CACNA1C: variants seen among roughly 807,000 people sequenced by gnomAD.
CACNA1C encodes calcium voltage-gated channel subunit alpha1 C, also known as voltage-dependent L-type calcium channel subunit alpha-1C.
In CACNA1C, 30 loss-of-function variants were observed where a neutral mutation model predicts 229.0. The observed-to-expected ratio is 0.13, with a 90% CI of 0.10 to 0.18. The LOEUF (loss-of-function observed/expected upper bound fraction) is 0.18. Ranked by LOEUF, CACNA1C falls within the 10% of genes least tolerant of loss-of-function variation. The pLI, the probability that CACNA1C is intolerant of heterozygous loss-of-function variation, is 1.00. For missense variants in CACNA1C, 1,658 were observed against 2,845.0 expected (o/e 0.58, Z 9.49); for synonymous variants, 1,114 against 1,132.5 (o/e 0.98, Z 0.33).
chr12:2,626,983 C>T (rs1055093151), intron 29 of CACNA1C, among the ~76,000 whole-genome samples: 1 of 152,172 alleles, frequency 6.6e-6, no homozygotes, highest in Non-Finnish European at 1.5e-5. Context: ...AAAATGGGAG[C>T]AGAAAGTGTC....
At chr12:2,206,828 T>TCC (rs1344328031) in intron 3 of CACNA1C, among the ~76,000 whole-genome samples, 1 of 152,202 alleles carries the variant, frequency 6.6e-6, no homozygotes, top group Non-Finnish European at 1.5e-5. Context: ...GCAGACCATC[T>TCC]CCCACATGAA....
chr12:2,452,308 G>C (rs777552559), intron 4 of CACNA1C, among the ~76,000 whole-genome samples: 1 of 152,112 alleles, frequency 6.6e-6, no homozygotes, highest in Non-Finnish European at 1.5e-5. Context: ...CAGAGGGACT[G>C]TGGCGGCCTC....
At chr12:2,648,588 AG>A in intron 31 of CACNA1C, 81 bp downstream of exon 31, 1 of 1,258,484 alleles carries the variant, frequency 7.9e-7, no homozygotes, top group Non-Finnish European at 1.2e-6. Context: ...CGAACTCCAG[AG>A]TCCCTGGGAG....
At chr12:2,290,316 G>T (rs552682274) in intron 3 of CACNA1C, among the ~76,000 whole-genome samples, 12 of 152,174 alleles carry the variant, frequency 7.9e-5, no homozygotes, top group Admixed American at 5.9e-4. Flanking sequence ...GGCAGTGCTG[G>T]GGCACTGTCC....
intron 5 of CACNA1C, among the ~76,000 whole-genome samples, chr12:2,465,866 C>T (rs1467030669): frequency 6.6e-6 from 1 of 152,146 alleles, no homozygotes; most frequent in Non-Finnish European, 1.5e-5. Flanking sequence ...ACCTCCATCC[C>T]AGAGGCCAGG....
At chr12:2,130,095 A>G (rs768580039) in intron 3 of CACNA1C, among the ~76,000 whole-genome samples, 7 of 151,904 alleles carry the variant, frequency 4.6e-5, no homozygotes, top group South Asian at 2.1e-4. Flanking sequence ...CTAACTAATA[A>G]TAATAGCAGC....
intron 39 of CACNA1C, among the ~76,000 whole-genome samples, chr12:2,675,328 A>C (rs1035874741): frequency 3.9e-5 from 6 of 152,244 alleles, no homozygotes; most frequent in Non-Finnish European, 8.8e-5. Flanking sequence ...AGATCTTCTC[A>C]TGCACCCACT....
At chr12:2,509,247 A>G (rs1331996894) in intron 8 of CACNA1C, among the ~76,000 whole-genome samples, 1 of 152,246 alleles carries the variant, frequency 6.6e-6, no homozygotes, top group Non-Finnish European at 1.5e-5. Flanking sequence ...GAAGAAAGCA[A>G]TAAAAGGTCA....
At position 2,679,732 on chromosome 12, in the gene CACNA1C, C is replaced by A; in HGVS notation, c.5380C>A (p.His1794Asn). Reference protein sequence around the residue: ...YPSTVSTVEGHGPPLSPAIRV... With the variant: ...YPSTVSTVEGNGPPLSPAIRV... Reference sequence around the variant, plus strand: ...CAGCACGGTCAGCACTGTGGAGGGCCACGGGCCCCCCTTGTCCCCTGCCAT... The same window carrying A: ...CAGCACGGTCAGCACTGTGGAGGGCAACGGGCCCCCCTTGTCCCCTGCCAT... Residue 1794 changes from histidine (H) to asparagine (N), a missense_variant, in exon 42 of 47, where the codon CAC becomes AAC. His to Asn is a moderately conservative substitution (Grantham distance 68). This residue lies in a region of CACNA1C where 590 missense variants were observed against 700.8 expected (regional missense o/e 0.84). Coordinates refer to ENST00000399655, the MANE Select transcript of CACNA1C (RefSeq NM_000719.7). This position sits in a 1 kb window ranked among gnomAD's most constrained non-coding sequence, Gnocchi z 5.5. 2 of 1,605,248 alleles carry A rather than the reference C, an allele frequency of 1.2e-6. No individual in the cohort carries two copies. The highest frequency in any genetic ancestry group is 8.5e-7 in the Non-Finnish European group (1 of 1,175,988).
At chr12:2,292,226 T>C (rs1175123584) in intron 3 of CACNA1C, among the ~76,000 whole-genome samples, 1 of 152,222 alleles carries the variant, frequency 6.6e-6, no homozygotes, top group African/African-American at 2.4e-5. Context: ...GTGCTAAATC[T>C]GTGTACAATA....
At position 2,215,700 on chromosome 12, in the gene CACNA1C, A is replaced by C. The variant is rs534153187; in HGVS notation, c.477+95270A>C. Among the ~76,000 whole-genome samples the C allele has an allele frequency of 1.9e-3, 290 of 152,278 alleles. 1 individual carries two copies. Among genetic ancestry groups the C allele is most frequent in the African/African-American group, 6.8e-3 (281 of 41,566 alleles). Reference sequence around the variant, plus strand: ...AGAGGGAAGGACCATGTTCTCTCCCAAACAGGCCAGTCCTTGGAGCTGCTG... The same window carrying C: ...AGAGGGAAGGACCATGTTCTCTCCCCAACAGGCCAGTCCTTGGAGCTGCTG... On this transcript the variant is annotated intron_variant, in intron 3 of 46. Coordinates refer to ENST00000399655, the MANE Select transcript of CACNA1C (RefSeq NM_000719.7). This position sits in a 1 kb window ranked among gnomAD's most constrained non-coding sequence, Gnocchi z 5.0.
At chr12:2,460,792 G>C (rs1204166463) in intron 5 of CACNA1C, among the ~76,000 whole-genome samples, 1 of 152,228 alleles carries the variant, frequency 6.6e-6, no homozygotes, top group African/African-American at 2.4e-5. Context: ...TTATGCATAG[G>C]AGCAGCAACG....
intron 3 of CACNA1C, among the ~76,000 whole-genome samples, chr12:2,192,426 C>A (rs1028894417): frequency 6.6e-6 from 1 of 152,186 alleles, no homozygotes; most frequent in African/African-American, 2.4e-5. Flanking sequence ...GATTCCCGTG[C>A]CTGCGGACTC....
chr12:2,140,143 A>G lies in CACNA1C; in HGVS notation c.477+19713A>G, dbSNP rs115044956. 4.9e-3 allele frequency among the ~76,000 whole-genome samples: 747 copies of G among 151,254 alleles called. 15 individuals are homozygous for G. The highest frequency in any genetic ancestry group is 0.017 in the African/African-American group (700 of 41,446). The stretch of plus-strand genomic sequence containing the variant: ...GCCCATACGGCTGTGTGTTGTCATC[A>G]TATTTTGGCAGAGAACCTGTCCCAT... On this transcript the variant is annotated intron_variant, in intron 3 of 46. Transcript: ENST00000399655.
At chr12:2,422,112 G>A (rs573404551) in intron 3 of CACNA1C, among the ~76,000 whole-genome samples, 5 of 152,124 alleles carry the variant, frequency 3.3e-5, no homozygotes, top group South Asian at 2.1e-4. Flanking sequence ...AACAAAATGC[G>A]GCCCATTCAG....
intron 3 of CACNA1C, among the ~76,000 whole-genome samples, chr12:2,209,438 C>T (rs2097854385): frequency 6.6e-6 from 1 of 152,118 alleles, no homozygotes; most frequent in African/African-American, 2.4e-5. Context: ...AATGGCGCTC[C>T]ATCTGTGTGA....
intron 30 of CACNA1C, among the ~76,000 whole-genome samples, chr12:2,634,674 G>A (rs944911305): frequency 1.3e-5 from 2 of 151,940 alleles, no homozygotes; most frequent in Admixed American, 1.3e-4. Context: ...CTGTATCGGA[G>A]GAAGCAGCTC....
chr12:2,309,506 C>CAT (rs2095302984), intron 3 of CACNA1C, among the ~76,000 whole-genome samples: 1 of 152,216 alleles, frequency 6.6e-6, no homozygotes, highest in South Asian at 2.1e-4. Context: ...CACACACACA[C>CAT]ACACACACAG....
At chr12:2,350,456 C>T (rs2097172322) in intron 3 of CACNA1C, among the ~76,000 whole-genome samples, 1 of 152,194 alleles carries the variant, frequency 6.6e-6, no homozygotes, top group Non-Finnish European at 1.5e-5. Flanking sequence ...TTGATTTCAG[C>T]CAGACAGTCT....
Sources: allele counts gnomAD v4.1 joint callset (sites outside exome capture counted in the v4.1 genomes callset), GRCh38; gene constraint gnomAD v4.1.1; regional missense constraint gnomAD v4.1.1; non-coding constraint Gnocchi (gnomAD v3.1); transcripts MANE v1.5; gene names NCBI Gene and HGNC (gene_info 2026-07-23, HGNC 2026-07-21).